The following TTC39B variants were observed in gnomAD, a reference collection of about 807,000 sequenced individuals.
TTC39B encodes tetratricopeptide repeat domain 39B, also known as tetratricopeptide repeat protein 39B.
In TTC39B, 92 loss-of-function variants were observed where a neutral mutation model predicts 96.6. The observed-to-expected ratio is 0.95, with a 90% CI of 0.80 to 1.13. The LOEUF (loss-of-function observed/expected upper bound fraction) is 1.13. TTC39B is among the 50% of genes most tolerant of loss of function. TTC39B has a pLI of 0.00. For synonymous variants in TTC39B, 367 were observed against 299.4 expected, an observed-to-expected ratio of 1.23 and a Z score of -2.33; for missense variants, 955 against 809.3, an observed-to-expected ratio of 1.18 and a Z score of -2.18.
At chr9:15,194,448 T>C (rs1159376279) in intron 8 of TTC39B, among the ~76,000 whole-genome samples, 3 of 152,204 alleles carry the variant, frequency 2.0e-5, no homozygotes, top group African/African-American at 4.8e-5. Context: ...CAGGTAAGTA[T>C]GTGCGTGTGT....
intron 2 of TTC39B, among the ~76,000 whole-genome samples, chr9:15,238,765 C>A (rs1821903074): frequency 6.6e-6 from 1 of 152,128 alleles, no homozygotes; most frequent in South Asian, 2.1e-4. Context: ...ACGGGCTGAT[C>A]ACTTGAGCTC....
intron 8 of TTC39B, among the ~76,000 whole-genome samples, chr9:15,193,860 G>C (rs1368363755): frequency 6.6e-6 from 1 of 152,204 alleles, no homozygotes; most frequent in Non-Finnish European, 1.5e-5. Context: ...TAATTGGCCA[G>C]TTTATTCTTT....
chr9:15,230,854 G>A (rs532902261), intron 2 of TTC39B, among the ~76,000 whole-genome samples: 2 of 152,044 alleles, frequency 1.3e-5, no homozygotes, highest in South Asian at 2.1e-4. Context: ...GCATGGTGGT[G>A]CACACCCGTA....
At chr9:15,165,522 T>C (rs1817502429) in exon 20 of TTC39B, 1 of 152,232 alleles carries the variant, frequency 6.6e-6, no homozygotes, top group African/African-American at 2.4e-5. Context: ...CTCACACTGC[T>C]ATGAAGAAAT....
chr9:15,189,015 C>G (rs1210656560), intron 13 of TTC39B, among the ~76,000 whole-genome samples: 4 of 152,000 alleles, frequency 2.6e-5, no homozygotes, highest in Non-Finnish European at 4.4e-5. Context: ...GCATACTGAT[C>G]TGGAAAGAGA....
intron 7 of TTC39B, 64 bp downstream of exon 7, chr9:15,203,752 GCACCACA>G: frequency 8.2e-7 from 1 of 1,224,354 alleles, no homozygotes; most frequent in Non-Finnish European, 1.2e-6. Context: ...GACATAGAAT[GCACCACA>G]TTTTTCTATG....
chr9:15,280,196 C>T (rs1823707081), intron 1 of TTC39B, among the ~76,000 whole-genome samples: 4 of 152,134 alleles, frequency 2.6e-5, no homozygotes, highest in Admixed American at 6.5e-5. Context: ...CCGTGCCCGG[C>T]CTGTAAATAA....
At chr9:15,194,743 G>A (rs1465090949) in intron 8 of TTC39B, among the ~76,000 whole-genome samples, 1 of 152,154 alleles carries the variant, frequency 6.6e-6, no homozygotes, top group Non-Finnish European at 1.5e-5. Flanking sequence ...GACCTGTGAT[G>A]GGAGATCTTA....
chr9:15,186,698 G>GTT, intron 15 of TTC39B: 7 of 340,574 alleles, frequency 2.1e-5, no homozygotes, highest in South Asian at 1.2e-4. Flanking sequence ...AATATACATG[G>GTT]TTTTTTTTTG....
At chr9:15,232,934 G>A (rs943015782) in intron 2 of TTC39B, among the ~76,000 whole-genome samples, 2 of 151,996 alleles carry the variant, frequency 1.3e-5, no homozygotes, top group Admixed American at 6.5e-5. Context: ...GCTCAGGCAC[G>A]GTTCGAACAC....
At chr9:15,264,821 A>G (rs550007516) in intron 2 of TTC39B, among the ~76,000 whole-genome samples, 1 of 152,086 alleles carries the variant, frequency 6.6e-6, no homozygotes, top group Admixed American at 6.5e-5. Context: ...AAAAGTACAC[A>G]AAGGGGTTTC....
At chr9:15,275,066 A>C (rs1823489524) in intron 1 of TTC39B, among the ~76,000 whole-genome samples, 1 of 148,118 alleles carries the variant, frequency 6.8e-6, no homozygotes, top group Non-Finnish European at 1.5e-5. Context: ...CCTGAGATGG[A>C]GTTTCACTCT....
chr9:15,238,905 G>A (rs1821909912), intron 2 of TTC39B, among the ~76,000 whole-genome samples: 1 of 152,186 alleles, frequency 6.6e-6, no homozygotes. Context: ...AGGATCACTT[G>A]AGTCTGGGAG....
chr9:15,253,705 A>G (rs1822647940), intron 2 of TTC39B, among the ~76,000 whole-genome samples: 1 of 149,726 alleles, frequency 6.7e-6, no homozygotes, highest in Non-Finnish European at 1.5e-5. Flanking sequence ...TTGCAGTGTT[A>G]ACCTTCTTTC....
At chr9:15,230,503 T>G (rs1821361026) in intron 2 of TTC39B, among the ~76,000 whole-genome samples, 1 of 152,212 alleles carries the variant, frequency 6.6e-6, no homozygotes, top group Admixed American at 6.5e-5. Flanking sequence ...TATGCTTGGC[T>G]TTTTCAGTTA....
At chr9:15,298,588 G>A (rs923167067) in intron 1 of TTC39B, among the ~76,000 whole-genome samples, 1 of 152,076 alleles carries the variant, frequency 6.6e-6, no homozygotes, top group Non-Finnish European at 1.5e-5. Context: ...GTCACAAGAA[G>A]AGCATGGGAA....
chr9:15,270,186 A>G (rs921939943), intron 1 of TTC39B, among the ~76,000 whole-genome samples: 4 of 152,002 alleles, frequency 2.6e-5, no homozygotes, highest in African/African-American at 9.7e-5. Context: ...AAAAAAAAAA[A>G]GTTGTAAACA....
In TTC39B at chr9:15,306,781, T is replaced by C. The variant is rs1824766836; in HGVS notation, c.240+303A>G. On this transcript the variant is annotated intron_variant, in intron 1 of 19. Transcript: ENST00000512701. This position sits in a 1 kb window ranked among gnomAD's most constrained non-coding sequence, Gnocchi z 5.1. Reference sequence around the variant, plus strand: ...GAACAGCTCAGAGCTGCGGGTCCTATGGTCCCGCGCCCTCACGCCCATCCA... The same window carrying C: ...GAACAGCTCAGAGCTGCGGGTCCTACGGTCCCGCGCCCTCACGCCCATCCA... Among the ~76,000 whole-genome samples the C allele has an allele frequency of 1.3e-5, 2 of 152,160 alleles. No homozygotes were observed. Among genetic ancestry groups the C allele is most frequent in the Admixed American group, 6.5e-5 (1 of 15,288 alleles).
chr9:15,164,836 A>C (rs1727725434), exon 20 of TTC39B: 1 of 152,354 alleles, frequency 6.6e-6, no homozygotes, highest in Admixed American at 6.5e-5. Flanking sequence ...TGGACCATAC[A>C]TATCAGTGAA....
Sources: allele counts gnomAD v4.1 joint callset (sites outside exome capture counted in the v4.1 genomes callset), GRCh38; gene constraint gnomAD v4.1.1; non-coding constraint Gnocchi (gnomAD v3.1); transcripts MANE v1.5; gene names NCBI Gene and HGNC (gene_info 2026-07-23, HGNC 2026-07-21).